The following FAM222A variants were observed in gnomAD, a reference collection of about 807,000 sequenced individuals.
FAM222A encodes family with sequence similarity 222 member A, also known as protein FAM222A.
In FAM222A, 7 loss-of-function variants were observed where a neutral mutation model predicts 25.8. The observed-to-expected ratio is 0.27, with a 90% CI of 0.15 to 0.51. FAM222A has a LOEUF of 0.51. Ranked by LOEUF, FAM222A falls within the 20% of genes least tolerant of loss-of-function variation. The probability of loss-of-function intolerance (pLI) is 0.97; values close to 1 mark genes in which losing one functional copy is unlikely to be tolerated. For missense variants in FAM222A, 573 were observed against 640.5 expected (o/e 0.89, Z 1.14); for synonymous variants, 294 against 298.8 (o/e 0.98, Z 0.17).
intron 1 of FAM222A, among the ~76,000 whole-genome samples, chr12:109,738,456 G>A (rs7973101): frequency 0.18 from 27,520 of 152,134 alleles, 2,804 homozygotes; most frequent in East Asian, 0.29. Context: ...GCCAGGCAGC[G>A]TGAAGAGACT....
intron 1 of FAM222A, among the ~76,000 whole-genome samples, chr12:109,718,944 T>G (rs1465767593): frequency 1.3e-5 from 2 of 152,162 alleles, no homozygotes; most frequent in Non-Finnish European, 2.9e-5. Flanking sequence ...AATATCTGAG[T>G]ACCTACTGCA....
intron 2 of FAM222A, among the ~76,000 whole-genome samples, chr12:109,766,191 A>T (rs558154652): frequency 6.6e-6 from 1 of 152,242 alleles, no homozygotes; most frequent in Admixed American, 6.5e-5. Flanking sequence ...GGCAAACTAC[A>T]TGCCCAGGGC....
intron 2 of FAM222A, among the ~76,000 whole-genome samples, chr12:109,758,748 A>T (rs1424379832): frequency 6.6e-6 from 1 of 152,148 alleles, no homozygotes; most frequent in Non-Finnish European, 1.5e-5. Context: ...CCAAGGGCAG[A>T]GTGTGGCAGC....
At position 109,769,415 on chromosome 12, in the gene FAM222A, C is replaced by G. The variant is rs1012905534; in HGVS notation, c.*127C>G. On this transcript the variant is annotated 3_prime_UTR_variant, in exon 3 of 3. Transcript: ENST00000538780. ...GTGCCTGCTGATGCCCACAGGGGAG[C>G]CAGGCTGGCTGCCGCCTCGCTGTGG... 3.7e-5 allele frequency: 45 copies of G among 1,221,394 alleles called. No individual in the cohort carries two copies. Among genetic ancestry groups the G allele is most frequent in the Non-Finnish European group, 4.8e-5 (43 of 902,262 alleles). The allele number at this position is 1,221,394 out of a possible 1,614,324, so 75.7% of individuals were successfully genotyped here.
At chr12:109,736,792 C>T (rs1294428565) in intron 1 of FAM222A, among the ~76,000 whole-genome samples, 2 of 152,284 alleles carry the variant, frequency 1.3e-5, no homozygotes, top group Non-Finnish European at 1.5e-5. Context: ...GGCTGTACCC[C>T]GCCCCTTTCT....
At chr12:109,719,067 C>G (rs1887701172) in intron 1 of FAM222A, among the ~76,000 whole-genome samples, 1 of 152,102 alleles carries the variant, frequency 6.6e-6, no homozygotes, top group South Asian at 2.1e-4. Flanking sequence ...GGCGACCTGC[C>G]CAGACCACAC....
chr12:109,731,036 A>G (rs965007267), intron 1 of FAM222A, among the ~76,000 whole-genome samples: 1 of 152,056 alleles, frequency 6.6e-6, no homozygotes, highest in Non-Finnish European at 1.5e-5. Context: ...CATGTTTCAT[A>G]TGGAGAAACT....
intron 2 of FAM222A, among the ~76,000 whole-genome samples, chr12:109,746,046 C>T (rs551225823): frequency 3.4e-4 from 51 of 152,154 alleles, no homozygotes; most frequent in African/African-American, 1.2e-3. Flanking sequence ...TTGATTCTGC[C>T]ATGGAGGAAT....
chr12:109,725,015 G>C (rs568027295), intron 1 of FAM222A, among the ~76,000 whole-genome samples: 1 of 152,196 alleles, frequency 6.6e-6, no homozygotes, highest in South Asian at 2.1e-4. Flanking sequence ...TACAGGTGGG[G>C]GAAACTGAGG....
At chr12:109,763,370 A>AT (rs1289233958) in intron 2 of FAM222A, among the ~76,000 whole-genome samples, 1 of 152,148 alleles carries the variant, frequency 6.6e-6, no homozygotes, top group Non-Finnish European at 1.5e-5. Flanking sequence ...GTCATTTAAT[A>AT]TTTCTCATGG....
Position 109,770,421 on chromosome 12 carries a change from A to G in FAM222A, c.*1133A>G, listed in dbSNP as rs1889212631. The G allele has an allele frequency of 6.6e-6, 1 of 152,636 alleles. No homozygotes were observed. Among genetic ancestry groups the G allele is most frequent in the Admixed American group, 6.5e-5 (1 of 15,294 alleles). 9.5% of individuals were successfully genotyped at this position (152,636 alleles called of 1,614,324 possible). Reference sequence around the variant, plus strand: ...TTTTTTTATACTAAAATTGACCATTATATTCTACTGTGAGAAGTGCAGTCT... The same window carrying G: ...TTTTTTTATACTAAAATTGACCATTGTATTCTACTGTGAGAAGTGCAGTCT... On this transcript the variant is annotated 3_prime_UTR_variant, in exon 3 of 3. Coordinates refer to ENST00000538780, the MANE Select transcript of FAM222A (RefSeq NM_032829.3).
At chr12:109,729,472 AGAGGCAG>A (rs1449881292) in intron 1 of FAM222A, among the ~76,000 whole-genome samples, 1 of 152,222 alleles carries the variant, frequency 6.6e-6, no homozygotes, top group Non-Finnish European at 1.5e-5. Context: ...CTTCACCGCC[AGAGGCAG>A]GAGGCAGGGC....
intron 1 of FAM222A, among the ~76,000 whole-genome samples, chr12:109,738,345 C>G (rs1024288800): frequency 6.6e-6 from 1 of 152,222 alleles, no homozygotes; most frequent in African/African-American, 2.4e-5. Context: ...CCACCAGGGT[C>G]TGACCCTAGT....
At chr12:109,761,725 G>A (rs529104264) in intron 2 of FAM222A, among the ~76,000 whole-genome samples, 1 of 152,258 alleles carries the variant, frequency 6.6e-6, no homozygotes, top group South Asian at 2.1e-4. Flanking sequence ...AGGGCCCCTG[G>A]GTGTGGGTAC....
Position 109,769,297 on chromosome 12 carries a change from C to CTGCGGACATACGGACA in FAM222A, c.*18_*33dup. On this transcript the variant is annotated 3_prime_UTR_variant, in exon 3 of 3. Transcript: ENST00000538780. ...TACCCGTCTACAGATAAGGCCTGCC[C>CTGCGGACATACGGACA]TGCGGACATACGGACATGCGGACAG... The CTGCGGACATACGGACA allele has an allele frequency of 1.2e-6, 2 of 1,602,464 alleles. No homozygotes were observed. Among genetic ancestry groups the CTGCGGACATACGGACA allele is most frequent in the Non-Finnish European group, 1.7e-6 (2 of 1,175,114 alleles).
chr12:109,744,757 A>G (rs1888347778), intron 2 of FAM222A: 1 of 985,366 alleles, frequency 1.0e-6, no homozygotes, highest in Non-Finnish European at 1.2e-6. Flanking sequence ...TTTAGCTATC[A>G]TAATTTCTTT....
At chr12:109,745,472 A>T (rs1888373720) in intron 2 of FAM222A, among the ~76,000 whole-genome samples, 1 of 152,226 alleles carries the variant, frequency 6.6e-6, no homozygotes, top group Non-Finnish European at 1.5e-5. Context: ...GGAAGTGGAA[A>T]TACCGGGTCA....
intron 1 of FAM222A, among the ~76,000 whole-genome samples, chr12:109,739,135 C>CG (rs1888164831): frequency 6.6e-6 from 1 of 152,222 alleles, no homozygotes; most frequent in East Asian, 1.9e-4. Context: ...GGCTCAGAGG[C>CG]GCAGCCCATG....
At chr12:109,753,132 C>T (rs1255897457) in intron 2 of FAM222A, among the ~76,000 whole-genome samples, 1 of 152,162 alleles carries the variant, frequency 6.6e-6, no homozygotes, top group East Asian at 1.9e-4. Context: ...TGTGCAGAAG[C>T]CCCAGAGAGG....
Sources: allele counts gnomAD v4.1 joint callset (sites outside exome capture counted in the v4.1 genomes callset), GRCh38; gene constraint gnomAD v4.1.1; transcripts MANE v1.5; gene names NCBI Gene and HGNC (gene_info 2026-07-23, HGNC 2026-07-21).